The following FARP2 variants were observed in gnomAD, a reference collection of about 807,000 sequenced individuals.
FARP2 encodes the protein FERM, ARH/RhoGEF and pleckstrin domain protein 2.
FARP2 carries 111 observed loss-of-function variants against 130.5 expected under a neutral mutation model. That is an observed-to-expected ratio of 0.85 (90% CI 0.73 to 1.00). FARP2 has a LOEUF of 1.00. Ranked by LOEUF, FARP2 falls within the 50% of genes least tolerant of loss-of-function variation. The pLI is 0.00. For missense variants in FARP2, 1,385 were observed against 1,346.3 expected (o/e 1.03, Z -0.45); for synonymous variants, 504 against 516.9 (o/e 0.98, Z 0.34).
intron 2 of FARP2, among the ~76,000 whole-genome samples, chr2:241,391,746 A>G (rs1358847808): frequency 1.3e-5 from 2 of 152,066 alleles, no homozygotes; most frequent in Non-Finnish European, 2.9e-5. Context: ...TAGGAGGACC[A>G]CTGTGGATTT....
chr2:241,436,358 T>TA, intron 11 of FARP2, 123 bp from the exon 12 acceptor site: 1 of 779,598 alleles, frequency 1.3e-6, no homozygotes, highest in Non-Finnish European at 2.2e-6. Flanking sequence ...TCAAGTTAGA[T>TA]ACCTCTTAGC....
At chr2:241,491,414 C>T (rs2064904283) in intron 23 of FARP2, 102 bp from the exon 24 acceptor site, 2 of 1,318,482 alleles carry the variant, frequency 1.5e-6, no homozygotes, top group Admixed American at 4.1e-5. Flanking sequence ...CCAAGGGCTC[C>T]CCATTTCCCC....
chr2:241,416,111 G>C (rs979955771), intron 7 of FARP2, among the ~76,000 whole-genome samples: 1 of 140,550 alleles, frequency 7.1e-6, no homozygotes, highest in East Asian at 2.2e-4. Context: ...CATGCATTGT[G>C]TGTGTTTCTG....
chr2:241,469,855 T>C (rs1336403195), intron 18 of FARP2, among the ~76,000 whole-genome samples: 1 of 152,208 alleles, frequency 6.6e-6, no homozygotes, highest in Non-Finnish European at 1.5e-5. Flanking sequence ...GACAGGTTTT[T>C]CATCAGTAAA....
intron 21 of FARP2, among the ~76,000 whole-genome samples, chr2:241,486,946 G>A (rs964366517): frequency 1.3e-5 from 2 of 152,106 alleles, no homozygotes; most frequent in Non-Finnish European, 2.9e-5. Context: ...CAGCCCCATC[G>A]AGCAGCCCCA....
At chr2:241,364,964 G>A (rs1322210113) in intron 1 of FARP2, among the ~76,000 whole-genome samples, 1 of 152,170 alleles carries the variant, frequency 6.6e-6, no homozygotes, top group Non-Finnish European at 1.5e-5. Context: ...CCGGATATTA[G>A]TCTCACCCCT....
At chr2:241,374,826 G>C (rs1027911527) in intron 2 of FARP2, among the ~76,000 whole-genome samples, 5 of 152,254 alleles carry the variant, frequency 3.3e-5, no homozygotes, top group African/African-American at 1.2e-4. Context: ...TTGCAGAGAA[G>C]GAGGTCTGAA....
At position 241,404,795 on chromosome 2, in the gene FARP2, T is replaced by A; in HGVS notation, c.289-4T>A. On this transcript the variant is annotated splice_polypyrimidine_tract_variant and splice_region_variant and intron_variant, in intron 3 of 26. Transcript: ENST00000264042. ...TTGGATTTCTTCTGTTAACTCTTCT[T>A]TAGATTTGGCTTGAACCTATGAAAC... is the stretch of plus-strand genomic sequence containing the variant. 1 of 1,602,656 alleles carries A rather than the reference T, an allele frequency of 6.2e-7. No individual in the cohort carries two copies. The highest frequency in any genetic ancestry group is 1.1e-5 in the South Asian group (1 of 90,742).
intron 17 of FARP2, chr2:241,466,019 G>A: frequency 8.3e-6 from 11 of 1,324,490 alleles, no homozygotes; most frequent in Non-Finnish European, 1.1e-5. Flanking sequence ...ACACAAATCT[G>A]TTTGATCCAG....
rs752968148 is a variant in FARP2, at chr2:241,491,163, G to A, written c.2607G>A (p.Val869=). ...CCCCTGCACTGCCAGGCCGCACTGT[G>A]TGCACTCGTCCCCCCAGTGAGTGCT... ...DTAPALPGRT[V]CTRPPRSPNE... The change falls in exon 23 of 27, where the codon GTG becomes GTA. Residue 869 remains valine (V), a synonymous_variant. Transcript: ENST00000264042. 2.5e-6 allele frequency: 4 copies of A among 1,612,464 alleles called. No homozygotes were observed. Among genetic ancestry groups the A allele is most frequent in the Non-Finnish European group, 3.4e-6 (4 of 1,179,288 alleles).
At chr2:241,435,700 A>T (rs1276905412) in intron 11 of FARP2, among the ~76,000 whole-genome samples, 1 of 150,768 alleles carries the variant, frequency 6.6e-6, no homozygotes, top group Non-Finnish European at 1.5e-5. Context: ...TTTAGTAGAG[A>T]TGGGGTTTCA....
At chr2:241,383,220 C>G (rs2061703121) in intron 2 of FARP2, among the ~76,000 whole-genome samples, 1 of 152,222 alleles carries the variant, frequency 6.6e-6, no homozygotes. Flanking sequence ...AGCTCTGCCT[C>G]CTTGCGCTTG....
intron 2 of FARP2, among the ~76,000 whole-genome samples, chr2:241,376,059 A>G (rs1290723243): frequency 1.3e-5 from 2 of 152,144 alleles, no homozygotes; most frequent in Non-Finnish European, 2.9e-5. Context: ...AGCTTAAATC[A>G]CAGGTCTGTT....
chr2:241,458,124 G>C (rs977691751), intron 14 of FARP2, among the ~76,000 whole-genome samples: 1 of 152,158 alleles, frequency 6.6e-6, no homozygotes, highest in African/African-American at 2.4e-5. Context: ...TCCTAGCCCA[G>C]GGGAGTCTGC....
At position 241,456,794 on chromosome 2, in the gene FARP2, C is replaced by A. The variant is rs145630778; in HGVS notation, c.1459C>A (p.Pro487Thr). 3.6e-4 allele frequency: 580 copies of A among 1,614,130 alleles called. No individual in the cohort carries two copies. Among genetic ancestry groups the A allele is most frequent in the Admixed American group, 5.0e-4 (30 of 60,024 alleles). The change falls in exon 14 of 27, where the codon CCC becomes ACC. Residue 487 changes from proline (P) to threonine (T), a missense_variant. Coordinates refer to ENST00000264042, the MANE Select transcript of FARP2 (RefSeq NM_014808.4). ...PQPSPSSRKSPLSLSPAFQVP... is the reference protein window; with the variant it reads ...PQPSPSSRKSTLSLSPAFQVP... Reference sequence around the variant, plus strand: ...GCCTTCTCCCTCCAGCCGGAAGAGCCCCCTGAGTCTGAGCCCTGCATTTCA... The same window carrying A: ...GCCTTCTCCCTCCAGCCGGAAGAGCACCCTGAGTCTGAGCCCTGCATTTCA...
rs2065059616 is a variant in FARP2 at position 241,494,744 on chromosome 2, A to G, written c.*619A>G. The G allele has an allele frequency of 6.6e-6, 1 of 152,216 alleles. No individual in the cohort carries two copies. The highest frequency in any genetic ancestry group is 2.4e-5 in the African/African-American group (1 of 41,444). The allele number at this position is 152,216 out of a possible 1,614,324, so 9.4% of individuals were successfully genotyped here. A position where few individuals can be genotyped will look rare whatever the true frequency, so the allele number is the denominator to read the frequency against. On this transcript the variant is annotated 3_prime_UTR_variant, in exon 27 of 27. Coordinates refer to ENST00000264042, the MANE Select transcript of FARP2 (RefSeq NM_014808.4). The surrounding 1 kb of genome is among the most constrained non-coding windows in gnomAD (Gnocchi z 4.9). ...GTGCCCTGGGAGGGTGGGGCCGTCT[A>G]ATTTATTACTGCCCAGCATTCCTTC...
chr2:241,369,106 G>A (rs1436417614), intron 1 of FARP2, among the ~76,000 whole-genome samples: 1 of 152,078 alleles, frequency 6.6e-6, no homozygotes, highest in Non-Finnish European at 1.5e-5. Flanking sequence ...AAATGAAAAT[G>A]AGGATGTAAG....
intron 2 of FARP2, among the ~76,000 whole-genome samples, chr2:241,394,550 C>A (rs1044470703): frequency 6.7e-6 from 1 of 150,032 alleles, no homozygotes; most frequent in South Asian, 2.1e-4. Context: ...GTGACTGATA[C>A]AAGTGACACT....
chr2:241,483,885 G>A (rs2064688239), intron 20 of FARP2: 1 of 985,486 alleles, frequency 1.0e-6, no homozygotes, highest in African/African-American at 1.7e-5. Context: ...CAGTTTCACT[G>A]TTGGCTCAGA....
Sources: allele counts gnomAD v4.1 joint callset (sites outside exome capture counted in the v4.1 genomes callset), GRCh38; gene constraint gnomAD v4.1.1; non-coding constraint Gnocchi (gnomAD v3.1); transcripts MANE v1.5; gene names NCBI Gene and HGNC (gene_info 2026-07-23, HGNC 2026-07-21).